The following ADGRL3 variants were observed in gnomAD, a reference collection of about 807,000 sequenced individuals.
ADGRL3 encodes calcium-independent alpha-latrotoxin receptor 3.
A neutral mutation model predicts 153.5 loss-of-function variants in ADGRL3; 62 were observed. The ratio of observed to expected loss-of-function variants is 0.40; its 90% CI spans 0.33 to 0.50. ADGRL3 has a LOEUF of 0.50. Ranked by LOEUF, ADGRL3 falls within the 20% of genes least tolerant of loss-of-function variation. The pLI is 0.47. For missense variants in ADGRL3, 1,641 were observed against 1,859.4 expected (o/e 0.88, Z 2.16); for synonymous variants, 710 against 672.5 (o/e 1.06, Z -0.86).
intron 4 of ADGRL3, among the ~76,000 whole-genome samples, chr4:61,547,139 A>C (rs2098717406): frequency 6.6e-6 from 1 of 152,180 alleles, no homozygotes; most frequent in African/African-American, 2.4e-5. Context: ...GTAAATTATA[A>C]TAAATTTAAT....
chr4:61,371,486 A>T (rs1456150356), intron 1 of ADGRL3, among the ~76,000 whole-genome samples: 1 of 151,286 alleles, frequency 6.6e-6, no homozygotes, highest in Non-Finnish European at 1.5e-5. Context: ...TCCTTCACTT[A>T]TGAAGCTTAG....
chr4:61,881,664 C>G (rs544763042), intron 9 of ADGRL3, among the ~76,000 whole-genome samples: 1 of 152,348 alleles, frequency 6.6e-6, no homozygotes, highest in South Asian at 2.1e-4. Flanking sequence ...AGGCGTGAGC[C>G]ACCACGCCTG....
intron 21 of ADGRL3, among the ~76,000 whole-genome samples, chr4:61,998,545 G>A (rs566770653): frequency 2.0e-5 from 3 of 150,446 alleles, no homozygotes; most frequent in African/African-American, 4.9e-5. Flanking sequence ...CAAGCACAAC[G>A]TTTCCATTTA....
intron 4 of ADGRL3, among the ~76,000 whole-genome samples, chr4:61,523,058 CGT>C (rs3075120): frequency 5.3e-5 from 8 of 150,546 alleles, no homozygotes; most frequent in Middle Eastern, 6.8e-3. Context: ...GAAAATTGTG[CGT>C]GTGTGTGTGT....
At chr4:61,459,219 G>A (rs531163078) in intron 2 of ADGRL3, among the ~76,000 whole-genome samples, 2 of 151,574 alleles carry the variant, frequency 1.3e-5, no homozygotes, top group Admixed American at 1.3e-4. Context: ...CATGATATTC[G>A]ATTCATTTTT....
At chr4:61,813,929 A>G in intron 9 of ADGRL3, 40 bp downstream of exon 9, 1 of 1,607,190 alleles carries the variant, frequency 6.2e-7, no homozygotes, top group East Asian at 2.2e-5. Context: ...AACTCTGCTC[A>G]TTCTTTGATG....
At chr4:61,980,579 A>G (rs1034213562) in intron 18 of ADGRL3, among the ~76,000 whole-genome samples, 3 of 151,908 alleles carry the variant, frequency 2.0e-5, no homozygotes, top group African/African-American at 7.3e-5. Flanking sequence ...AGCTGGGACT[A>G]CAGGCATTTG....
chr4:61,391,857 T>C (rs955400977), intron 2 of ADGRL3, among the ~76,000 whole-genome samples: 3 of 132,594 alleles, frequency 2.3e-5, no homozygotes, highest in African/African-American at 2.8e-5. Context: ...AAATGCTACT[T>C]TTTTTTTTTT....
intron 1 of ADGRL3, among the ~76,000 whole-genome samples, chr4:61,286,877 C>T (rs1408668787): frequency 6.6e-6 from 1 of 151,572 alleles, no homozygotes. Context: ...TCTTAGAGGT[C>T]ACTAGTTGTA....
At chr4:61,873,698 GAACAAAGA>G (rs1466023807) in intron 9 of ADGRL3, among the ~76,000 whole-genome samples, 1 of 152,124 alleles carries the variant, frequency 6.6e-6, no homozygotes, top group Non-Finnish European at 1.5e-5. Flanking sequence ...CCCTCTCACT[GAACAAAGA>G]CAGATTAGAG....
intron 13 of ADGRL3, among the ~76,000 whole-genome samples, chr4:61,929,012 A>G (rs573344825): frequency 3.3e-4 from 50 of 152,280 alleles, no homozygotes; most frequent in African/African-American, 1.2e-3. Flanking sequence ...GAAAATCAGA[A>G]CAAATATAGA....
chr4:61,611,648 C>T (rs1560933276), intron 5 of ADGRL3, among the ~76,000 whole-genome samples: 3 of 152,082 alleles, frequency 2.0e-5, no homozygotes, highest in East Asian at 1.9e-4. Context: ...TAAGGCCAGG[C>T]ACGGCGGCTC....
intron 1 of ADGRL3, among the ~76,000 whole-genome samples, chr4:61,368,553 A>C (rs1386203275): frequency 6.6e-6 from 1 of 151,684 alleles, no homozygotes; most frequent in Non-Finnish European, 1.5e-5. Flanking sequence ...ATGCGGCGTT[A>C]TTTCTGAGGG....
chr4:61,587,489 A>G, intron 5 of ADGRL3, 49 bp downstream of exon 5: 3 of 1,324,000 alleles, frequency 2.3e-6, no homozygotes, highest in Non-Finnish European at 3.2e-6. Context: ...TAAACCTTCA[A>G]CATCAATCTG....
Position 61,261,448 on chromosome 4 carries a change from G to A in ADGRL3, c.-240+59683G>A, listed in dbSNP as rs922520953. Among the ~76,000 whole-genome samples, 3 of 151,928 alleles carry A rather than the reference G, an allele frequency of 2.0e-5. No individual in the cohort carries two copies. In the East Asian group the frequency reaches 5.8e-4, roughly 29 times the overall value. ...CTTGGCACACATGAAATTCAAGTTT[G>A]GTATCTGGGACTTTTTGGAATTTTT... On this transcript the variant is annotated intron_variant, in intron 1 of 26. Transcript: ENST00000683033.
chr4:61,367,393 C>T (rs1164963892), intron 1 of ADGRL3, among the ~76,000 whole-genome samples: 1 of 151,826 alleles, frequency 6.6e-6, no homozygotes, highest in Admixed American at 6.6e-5. Context: ...CCCACTCCCC[C>T]CACCCCACAA....
At chr4:61,426,577 ACT>A (rs1436555257) in intron 2 of ADGRL3, 1 of 152,104 alleles carries the variant, frequency 6.6e-6, no homozygotes, top group African/African-American at 2.4e-5. Flanking sequence ...ACGAGGCTAC[ACT>A]CTGCACCAGC....
chr4:61,846,848 G>A (rs112377186), intron 9 of ADGRL3, among the ~76,000 whole-genome samples: 10 of 151,838 alleles, frequency 6.6e-5, no homozygotes, highest in Middle Eastern at 6.8e-3. Flanking sequence ...GGGGTGGGGC[G>A]GGAAGAAGGA....
At chr4:61,376,326 T>C (rs1156489340) in intron 1 of ADGRL3, among the ~76,000 whole-genome samples, 3 of 94,348 alleles carry the variant, frequency 3.2e-5, no homozygotes, top group South Asian at 2.9e-4. Context: ...ATACCACTTG[T>C]CATGTGTAAT....
Sources: gnomAD v4.1 joint callset for allele counts (sites outside exome capture counted in the v4.1 genomes callset) on GRCh38, gnomAD v4.1.1 for gene constraint, MANE v1.5 for transcripts, NCBI Gene and HGNC (gene_info 2026-07-23, HGNC 2026-07-21) for gene names.